The following SLC2A3 variants were observed in gnomAD, a reference collection of about 807,000 sequenced individuals.
SLC2A3 encodes the protein solute carrier family 2, facilitated glucose transporter member 3.
Under a neutral mutation model 46.4 loss-of-function variants are expected in SLC2A3, and 21 were observed. The observed-to-expected ratio is 0.45, with a 90% CI of 0.32 to 0.65. The LOEUF is 0.65. Ranked by LOEUF, SLC2A3 falls within the 30% of genes least tolerant of loss-of-function variation. The pLI is 0.04. For missense variants in SLC2A3, 499 were observed against 623.3 expected, an observed-to-expected ratio of 0.80 and a Z score of 2.12; for synonymous variants, 213 against 239.4, an observed-to-expected ratio of 0.89 and a Z score of 1.02.
At chr12:7,933,507 G>T in intron 2 of SLC2A3, 2 of 465,728 alleles carry the variant, frequency 4.3e-6, no homozygotes, top group East Asian at 3.8e-5. Context: ...TGAGCTTTGT[G>T]CTTCGATTAG....
At chr12:7,930,683 C>T in intron 4 of SLC2A3, 41 bp from the exon 5 acceptor site, 3 of 1,570,272 alleles carry the variant, frequency 1.9e-6, no homozygotes, top group South Asian at 2.3e-5. Flanking sequence ...CCCCATACTT[C>T]ACAGGCCACA....
At chr12:7,930,459 T>C in intron 5 of SLC2A3, 21 bp downstream of exon 5, 1 of 1,606,462 alleles carries the variant, frequency 6.2e-7, no homozygotes, top group African/African-American at 1.3e-5. Flanking sequence ...ATTCATGTAG[T>C]AAGGTGTGAA....
In SLC2A3 at chr12:7,933,027, C is replaced by A. The variant is rs764323738; in HGVS notation, c.229G>T (p.Gly77Cys). 1.2e-6 allele frequency: 2 copies of A among 1,614,030 alleles called. No homozygotes were observed. The highest frequency in any genetic ancestry group is 1.7e-6 in the Non-Finnish European group (2 of 1,180,008). ...ACGAAGAGTCCGACGGAAAAGGAGC[C>A]GATCATACCCCCGACGGAAAATATG... ...VAIFSVGGMIGSFSVGLFVNR... is the reference protein window; with the variant it reads ...VAIFSVGGMICSFSVGLFVNR... The change falls in exon 3 of 10, where the codon GGC (glycine) becomes TGC (cysteine). Residue 77 changes from glycine to cysteine, a missense_variant. Transcript: ENST00000075120.
Position 7,921,596 on chromosome 12 carries a change from G to A in SLC2A3, c.1308C>T (p.Thr436=), listed in dbSNP as rs25684. 0.44 allele frequency: 708,603 copies of A among 1,599,882 alleles called. 155,216 individuals are homozygous for A. The highest frequency in any genetic ancestry group is 0.47 in the Non-Finnish European group (548,698 of 1,170,288). ...YLGAYVFIIF[T]GFLITFLAFT... ...AAGCCAAGAAGGTAATGAGGAAGCC[G>A]GTGAAGATAATAAAAACGTAGGCTC... is the stretch of plus-strand genomic sequence containing the variant. The change falls in exon 10 of 10, where the codon ACC becomes ACT. Residue 436 remains threonine (T), a synonymous_variant. Transcript: ENST00000075120.
intron 6 of SLC2A3, among the ~76,000 whole-genome samples, chr12:7,928,845 G>C (rs772652599): frequency 9.3e-5 from 14 of 151,166 alleles, no homozygotes; most frequent in Non-Finnish European, 2.1e-4. Flanking sequence ...TTTTTTTAAA[G>C]ACAGGGTCAT....
rs759060762 is a variant in SLC2A3 at position 7,925,722 on chromosome 12, C to T, written c.966+122G>A. 2.7e-5 allele frequency: 21 copies of T among 776,832 alleles called. No individual in the cohort carries two copies. In the African/African-American group the frequency reaches 3.0e-4, roughly 11 times the overall value. The allele number at this position is 776,832 out of a possible 1,614,324, so 48.1% of individuals were successfully genotyped here. ...TCCAACATTAAATTTATCTCTTTTT[C>T]CCAAAGGAAAATTAAGCAACAAAAA... On this transcript the variant is annotated intron_variant, in intron 7 of 9. Coordinates refer to ENST00000075120, the MANE Select transcript of SLC2A3 (RefSeq NM_006931.3).
intron 2 of SLC2A3, chr12:7,933,500 G>GCT (rs1244364702): frequency 1.1e-5 from 5 of 465,280 alleles, no homozygotes; most frequent in Admixed American, 3.7e-5. Flanking sequence ...GAGTAAGTGA[G>GCT]CTTTGTGCTT....
chr12:7,925,100 G>A (rs1483279929), intron 7 of SLC2A3, among the ~76,000 whole-genome samples: 2 of 152,296 alleles, frequency 1.3e-5, no homozygotes, highest in African/African-American at 2.4e-5. Context: ...TGCTAGGAGT[G>A]CACCCCAACC....
chr12:7,923,389 G>T, intron 8 of SLC2A3: 1 of 182,070 alleles, frequency 5.5e-6, no homozygotes, highest in South Asian at 1.1e-4. Flanking sequence ...CAAGGCAGGT[G>T]GATTATCTGA....
In SLC2A3 at chr12:7,920,534, GA is replaced by G. The variant is rs371175626; in HGVS notation, c.*878del. 6.6e-6 allele frequency: 1 copy of G among 151,980 alleles called. No homozygotes were observed. The highest frequency in any genetic ancestry group is 2.4e-5 in the African/African-American group (1 of 41,386). 9.4% of individuals were successfully genotyped at this position (151,980 alleles called of 1,614,324 possible). A position where few individuals can be genotyped will look rare whatever the true frequency, so the allele number is the denominator to read the frequency against. ...ACTACATGTAAACTATTATCTTAAA[GA>G]AAAAAGCTCCAAAGGAAATCAGTAG... On this transcript the variant is annotated 3_prime_UTR_variant, in exon 10 of 10. Coordinates refer to ENST00000075120, the MANE Select transcript of SLC2A3 (RefSeq NM_006931.3).
At chr12:7,935,249 T>C (rs1235598450) in intron 1 of SLC2A3, among the ~76,000 whole-genome samples, 1 of 151,396 alleles carries the variant, frequency 6.6e-6, no homozygotes, top group Non-Finnish European at 1.5e-5. Flanking sequence ...AGGTCGGGAG[T>C]CGAGACCAGC....
intron 6 of SLC2A3, 118 bp from the exon 7 acceptor site, chr12:7,926,066 C>G (rs975997773): frequency 1.4e-5 from 11 of 784,704 alleles, no homozygotes; most frequent in African/African-American, 3.5e-5. Flanking sequence ...GGTTTTCGTT[C>G]AATACTAATA....
intron 6 of SLC2A3, 39 bp from the exon 7 acceptor site, chr12:7,925,987 GCA>G: frequency 6.6e-7 from 1 of 1,515,226 alleles, no homozygotes; most frequent in Non-Finnish European, 9.2e-7. Context: ...ATGCAATTCT[GCA>G]CACCAGTTAC....
At chr12:7,921,780 T>A in intron 9 of SLC2A3, 149 bp from the exon 10 acceptor site, 1 of 886,758 alleles carries the variant, frequency 1.1e-6, no homozygotes, top group South Asian at 1.8e-5. Context: ...CGCTTATGAT[T>A]CCATTGCTAA....
rs142361402 is a variant in SLC2A3, at chr12:7,925,738, G to T, written c.966+106C>A. On this transcript the variant is annotated intron_variant, in intron 7 of 9. Transcript: ENST00000075120. ...TCTCTTTTTCCCAAAGGAAAATTAAGCAACAAAAAGGTAACTAAATGATGG... is the reference window on the plus strand; with the variant it reads ...TCTCTTTTTCCCAAAGGAAAATTAATCAACAAAAAGGTAACTAAATGATGG... 3.4e-3 allele frequency: 3,021 copies of T among 876,824 alleles called. 42 individuals are homozygous for T. The African/African-American group carries it at 0.042, about 12-fold the overall frequency. The allele number at this position is 876,824 out of a possible 1,614,324, so 54.3% of individuals were successfully genotyped here. A position where few individuals can be genotyped will look rare whatever the true frequency, so the allele number is the denominator to read the frequency against.
chr12:7,931,793 A>C (rs1272136709), intron 3 of SLC2A3, among the ~76,000 whole-genome samples: 3 of 152,044 alleles, frequency 2.0e-5, no homozygotes, highest in African/African-American at 4.8e-5. Flanking sequence ...GTAAAAAAAC[A>C]AAAGAACAAC....
chr12:7,930,435 A>G (rs770150051), intron 5 of SLC2A3, 45 bp downstream of exon 5: 2 of 1,581,330 alleles, frequency 1.3e-6, no homozygotes, highest in East Asian at 2.2e-5. Context: ...CCTAAAACAA[A>G]CCACAACCAT....
At chr12:7,933,974 T>C in intron 1 of SLC2A3, 72 bp from the exon 2 acceptor site, 5 of 1,431,018 alleles carry the variant, frequency 3.5e-6, no homozygotes, top group Non-Finnish European at 2.9e-6. Flanking sequence ...TTATTAATTA[T>C]GGAGCTGTAT....
At position 7,933,884 on chromosome 12, in the gene SLC2A3, A is replaced by G. The variant is rs749393279; in HGVS notation, c.34T>C (p.Phe12Leu). ...GTQKVTPALI[F>L]AITVATIGSF... ...CCGATTGTAGCAACTGTGATGGCAA[A>G]TATCAGAGCTGGGGTGACCTGGAGG... The change falls in exon 2 of 10, where the codon TTT becomes CTT. Residue 12 changes from phenylalanine to leucine, a missense_variant. Physicochemically the swap from Phe to Leu is conservative, Grantham distance 22. Around this residue, in one of 5 missense-constraint regions of SLC2A3, gnomAD observed 248 missense variants for 284.0 expected, o/e 0.87. Coordinates refer to ENST00000075120, the MANE Select transcript of SLC2A3 (RefSeq NM_006931.3). 5 of 1,614,026 alleles carry G rather than the reference A, an allele frequency of 3.1e-6. No individual in the cohort carries two copies. The highest frequency in any genetic ancestry group is 1.1e-5 in the South Asian group (1 of 91,080).
Sources: gnomAD v4.1 joint callset for allele counts (sites outside exome capture counted in the v4.1 genomes callset) on GRCh38, gnomAD v4.1.1 for gene constraint, gnomAD v4.1.1 regional missense constraint, MANE v1.5 for transcripts, NCBI Gene and HGNC (gene_info 2026-07-23, HGNC 2026-07-21) for gene names.